LRBA: variants seen among roughly 807,000 people sequenced by gnomAD.
LRBA encodes lipopolysaccharide-responsive and beige-like anchor protein.
Under a neutral mutation model 330.0 loss-of-function variants are expected in LRBA, and 176 were observed. The ratio of observed to expected loss-of-function variants is 0.53; its 90% CI spans 0.47 to 0.60. The LOEUF is 0.60. Ranked by LOEUF, LRBA falls within the 20% of genes least tolerant of loss-of-function variation. LRBA has a pLI of 0.00. For missense variants in LRBA, 3,259 were observed against 3,444.8 expected (o/e 0.95, Z 1.35); for synonymous variants, 1,230 against 1,193.0 (o/e 1.03, Z -0.64).
At chr4:150,565,817 A>G (rs1488392724) in intron 40 of LRBA, among the ~76,000 whole-genome samples, 2 of 152,184 alleles carry the variant, frequency 1.3e-5, no homozygotes, top group Non-Finnish European at 2.9e-5. Flanking sequence ...TACTGAATAA[A>G]GACACCAATT....
intron 41 of LRBA, 40 bp from the exon 42 acceptor site, chr4:150,487,874 CTTCCT>C: frequency 8.6e-7 from 1 of 1,158,758 alleles, no homozygotes; most frequent in Non-Finnish European, 1.3e-6. Context: ...CACAGTATAA[CTTCCT>C]TTCTGGAAAA....
chr4:150,851,846 A>C (rs778990027), intron 23 of LRBA, 39 bp downstream of exon 23: 1 of 1,515,576 alleles, frequency 6.6e-7, no homozygotes, highest in African/African-American at 1.4e-5. Flanking sequence ...TTTTTAACTC[A>C]GTGCAAAAGT....
In LRBA at chr4:150,315,515, C is replaced by CCATA. The variant is rs1731606770; in HGVS notation, c.7693+42_7693+45dup. On this transcript the variant is annotated intron_variant, in intron 51 of 56. Coordinates refer to ENST00000651943, the MANE Select transcript of LRBA (RefSeq NM_001364905.1). Reference sequence around the variant, plus strand: ...AACTGTAATCTACACTTCAGGGCCACCATACAGAGCTTAATGAATCGCAAA... The same window carrying CCATA: ...AACTGTAATCTACACTTCAGGGCCACCATACATACAGAGCTTAATGAATCGCAAA... 4.1e-6 allele frequency: 6 copies of CCATA among 1,475,816 alleles called. No homozygotes were observed. The East Asian group carries it at 1.4e-4, about 33-fold the overall frequency. 91.4% of individuals were successfully genotyped at this position (1,475,816 alleles called of 1,614,324 possible).
At chr4:150,858,633 G>T (rs1438776644) in intron 22 of LRBA, among the ~76,000 whole-genome samples, 2 of 152,152 alleles carry the variant, frequency 1.3e-5, no homozygotes, top group Non-Finnish European at 2.9e-5. Context: ...GTATTCAAGT[G>T]ATTTTCATGC....
intron 40 of LRBA, among the ~76,000 whole-genome samples, chr4:150,528,940 C>T (rs999592802): frequency 1.3e-5 from 2 of 151,994 alleles, no homozygotes; most frequent in Non-Finnish European, 2.9e-5. Context: ...AAAATGTGTG[C>T]TTGTTTTTCA....
chr4:150,749,594 CA>C (rs1050278106), intron 35 of LRBA, among the ~76,000 whole-genome samples: 5 of 148,008 alleles, frequency 3.4e-5, no homozygotes, highest in East Asian at 2.0e-4. Flanking sequence ...TATCTCTACC[CA>C]AAAAAAAAAT....
At chr4:150,819,887 T>C (rs1258181957) in intron 30 of LRBA, among the ~76,000 whole-genome samples, 3 of 152,100 alleles carry the variant, frequency 2.0e-5, no homozygotes, top group African/African-American at 7.2e-5. Context: ...TTGTCAGGAA[T>C]GATAGATCAG....
At position 150,761,916 on chromosome 4, in the gene LRBA, TA is replaced by T. The variant is rs1027998173; in HGVS notation, c.5581-70del. The T allele has an allele frequency of 1.0e-5, 8 of 791,518 alleles. No homozygotes were observed. The African/African-American group carries it at 1.1e-4, about 11-fold the overall frequency. 49.0% of individuals were successfully genotyped at this position (791,518 alleles called of 1,614,324 possible). ...TAGGTTCTTTCTTTTAAAACAATAA[TA>T]ATGAAAAATATCACCCATATCAATT... On this transcript the variant is annotated intron_variant, in intron 34 of 56. Coordinates refer to ENST00000651943, the MANE Select transcript of LRBA (RefSeq NM_001364905.1).
intron 40 of LRBA, among the ~76,000 whole-genome samples, chr4:150,509,471 A>AT (rs1161339606): frequency 6.6e-6 from 1 of 152,016 alleles, no homozygotes; most frequent in Non-Finnish European, 1.5e-5. Flanking sequence ...CTTTTCAGTG[A>AT]TTTTGACATC....
chr4:150,720,453 C>G (rs756271618), intron 36 of LRBA, among the ~76,000 whole-genome samples: 1 of 151,710 alleles, frequency 6.6e-6, no homozygotes, highest in Non-Finnish European at 1.5e-5. Flanking sequence ...AAATTAGGAA[C>G]AAAACATAAG....
At chr4:150,568,015 A>G (rs1446484982) in intron 40 of LRBA, among the ~76,000 whole-genome samples, 1 of 152,128 alleles carries the variant, frequency 6.6e-6, no homozygotes, top group African/African-American at 2.4e-5. Flanking sequence ...CAGTTCAAAG[A>G]GAGCACTTGC....
At chr4:150,632,740 A>G (rs1237597141) in intron 37 of LRBA, among the ~76,000 whole-genome samples, 1 of 152,108 alleles carries the variant, frequency 6.6e-6, no homozygotes. Context: ...ACCAATTATC[A>G]TCCAACAACT....
chr4:150,934,671 G>A (rs890581467), intron 2 of LRBA, among the ~76,000 whole-genome samples: 1 of 152,064 alleles, frequency 6.6e-6, no homozygotes, highest in East Asian at 1.9e-4. Flanking sequence ...CAGTAGTTCC[G>A]AGACCAGTGT....
chr4:150,867,359 A>G (rs916776838), intron 22 of LRBA, among the ~76,000 whole-genome samples: 5 of 152,168 alleles, frequency 3.3e-5, no homozygotes, highest in Admixed American at 3.3e-4. Flanking sequence ...TTGGTGCAAA[A>G]ATAATTGCAG....
At chr4:150,982,396 G>A (rs1740948402) in intron 2 of LRBA, among the ~76,000 whole-genome samples, 3 of 152,106 alleles carry the variant, frequency 2.0e-5, no homozygotes, top group Admixed American at 2.0e-4. Flanking sequence ...ACTAGGTTTA[G>A]AGGGAACTAA....
At chr4:150,579,663 T>C (rs1267980245) in intron 40 of LRBA, 1 of 456,374 alleles carries the variant, frequency 2.2e-6, no homozygotes, top group East Asian at 7.0e-5. Context: ...GAGCCGCCAG[T>C]GGAGGTGCAG....
chr4:150,515,811 A>T (rs984335294), intron 40 of LRBA, among the ~76,000 whole-genome samples: 3 of 152,136 alleles, frequency 2.0e-5, no homozygotes, highest in Non-Finnish European at 4.4e-5. Flanking sequence ...TTCATTCATA[A>T]TTGCAAGAAA....
At chr4:150,872,779 A>G in intron 17 of LRBA, 24 bp from the exon 18 acceptor site, 1 of 1,255,478 alleles carries the variant, frequency 8.0e-7, no homozygotes. Flanking sequence ...AATTTAAAAC[A>G]AACTATTTTG....
intron 2 of LRBA, among the ~76,000 whole-genome samples, chr4:150,956,023 T>C (rs1286953709): frequency 6.7e-6 from 1 of 148,770 alleles, no homozygotes; most frequent in Admixed American, 6.6e-5. Flanking sequence ...GAGAATAAAA[T>C]GAAATTAACA....
Sources: allele counts gnomAD v4.1 joint callset (sites outside exome capture counted in the v4.1 genomes callset), GRCh38; gene constraint gnomAD v4.1.1; transcripts MANE v1.5; gene names NCBI Gene and HGNC (gene_info 2026-07-23, HGNC 2026-07-21).